The following APC variants were observed in gnomAD, a reference collection of about 807,000 sequenced individuals.
APC encodes the protein APC regulator of Wnt signaling pathway, also known as adenomatous polyposis coli protein.
Under a neutral mutation model 247.0 loss-of-function variants are expected in APC, and 72 were observed. That is an observed-to-expected ratio of 0.29 (90% CI 0.24 to 0.35). APC has a LOEUF of 0.35. APC is among the 10% of genes least tolerant of loss of function. The pLI, the probability that APC is intolerant of heterozygous loss-of-function variation, is 1.00. For missense variants in APC, 3,400 were observed against 3,360.7 expected, an observed-to-expected ratio of 1.01 and a Z score of -0.29; for synonymous variants, 1,254 against 1,162.5, an observed-to-expected ratio of 1.08 and a Z score of -1.60.
chr5:112,731,836 A>G (rs1752115152), intron 1 of APC, among the ~76,000 whole-genome samples: 1 of 152,146 alleles, frequency 6.6e-6, no homozygotes, highest in African/African-American at 2.4e-5. Context: ...ATCTCTGTTC[A>G]CTGCAGCCTC....
intron 2 of APC, among the ~76,000 whole-genome samples, chr5:112,759,724 A>T (rs1362022933): frequency 6.6e-6 from 1 of 152,258 alleles, no homozygotes; most frequent in Non-Finnish European, 1.5e-5. Flanking sequence ...TATATAGTGT[A>T]ATTAATCTTT....
intron 1 of APC, among the ~76,000 whole-genome samples, chr5:112,747,477 C>T (rs1471456352): frequency 6.6e-6 from 1 of 152,086 alleles, no homozygotes. Flanking sequence ...ATATGAAACA[C>T]AATAAAGTTA....
intron 5 of APC, 75 bp from the exon 6 acceptor site, chr5:112,780,715 C>G (rs1409900525): frequency 6.8e-6 from 7 of 1,030,374 alleles, no homozygotes; most frequent in Non-Finnish European, 8.9e-6. Context: ...TTTATTGGTT[C>G]TTATATGCTT....
intron 1 of APC, among the ~76,000 whole-genome samples, chr5:112,727,992 G>A (rs1026150565): frequency 3.3e-5 from 5 of 151,724 alleles, no homozygotes; most frequent in African/African-American, 9.7e-5. Flanking sequence ...GGAAAGGATA[G>A]TTTAAAATGA....
chr5:112,817,567 C>G (rs527643935), intron 9 of APC, among the ~76,000 whole-genome samples: 3 of 152,244 alleles, frequency 2.0e-5, no homozygotes, highest in South Asian at 4.1e-4. Flanking sequence ...ATCTGTCTAA[C>G]CTCAACATGT....
chr5:112,718,611 A>G (rs1751309899), intron 1 of APC, among the ~76,000 whole-genome samples: 2 of 152,360 alleles, frequency 1.3e-5, no homozygotes, highest in Admixed American at 6.5e-5. Flanking sequence ...CAAACTCACA[A>G]AAGGCAAAAG....
intron 5 of APC, chr5:112,777,736 G>C (rs1757816164): frequency 4.2e-6 from 1 of 236,696 alleles, no homozygotes. Context: ...TCTTTTGCCA[G>C]CAGCAACTCT....
Position 112,843,027 on chromosome 5 carries a change from A to C in APC, c.7433A>C (p.Gln2478Pro), listed in dbSNP as rs745307814. The change falls in exon 16 of 16, where the codon CAG becomes CCG. Residue 2478 changes from glutamine (Q) to proline (P), a missense_variant. Gln to Pro is a moderately conservative substitution (Grantham distance 76). Coordinates refer to ENST00000257430, the MANE Select transcript of APC (RefSeq NM_000038.6). This position sits in a 1 kb window ranked among gnomAD's most constrained non-coding sequence, Gnocchi z 4.8. The part of the protein sequence containing the change: ...SSRPASPTRS[Q>P]AQTPVLSPSL... ...AGACCAGCTTCTCCCACTAGGTCCCAGGCACAAACTCCAGTTTTAAGTCCT... is the reference window on the plus strand; with the variant it reads ...AGACCAGCTTCTCCCACTAGGTCCCCGGCACAAACTCCAGTTTTAAGTCCT... 1 of 1,613,934 alleles carries C rather than the reference A, an allele frequency of 6.2e-7. No individual in the cohort carries two copies. Among genetic ancestry groups the C allele is most frequent in the East Asian group, 2.2e-5 (1 of 44,890 alleles).
intron 6 of APC, among the ~76,000 whole-genome samples, chr5:112,787,088 A>G (rs572543593): frequency 5.9e-4 from 89 of 152,034 alleles, no homozygotes; most frequent in African/African-American, 2.0e-3. Context: ...GGGTTTCACT[A>G]TGTTGCCCAG....
At chr5:112,791,010 T>C (rs1759524384) in intron 6 of APC, among the ~76,000 whole-genome samples, 1 of 152,188 alleles carries the variant, frequency 6.6e-6, no homozygotes, top group African/African-American at 2.4e-5. Context: ...TGGTACAACA[T>C]TGTCAGTACT....
intron 8 of APC, among the ~76,000 whole-genome samples, chr5:112,807,136 GA>G (rs763967488): frequency 0.026 from 3,087 of 117,222 alleles, 35 homozygotes; most frequent in African/African-American, 0.038. Flanking sequence ...CTATCTCAAG[GA>G]AAAAAAAAAA....
At chr5:112,821,323 T>A (rs1482948178) in intron 10 of APC, among the ~76,000 whole-genome samples, 1 of 151,888 alleles carries the variant, frequency 6.6e-6, no homozygotes, top group Admixed American at 6.6e-5. Flanking sequence ...CTGGGCAACA[T>A]AGCAAGACCC....
intron 2 of APC, among the ~76,000 whole-genome samples, chr5:112,757,741 C>T (rs912110247): frequency 2.0e-5 from 3 of 151,916 alleles, no homozygotes; most frequent in Admixed American, 6.6e-5. Flanking sequence ...CTCCTCCAAC[C>T]GGATTACTTA....
At chr5:112,818,620 G>A (rs940775606) in intron 9 of APC, among the ~76,000 whole-genome samples, 29 of 152,066 alleles carry the variant, frequency 1.9e-4, no homozygotes, top group Admixed American at 5.2e-4. Flanking sequence ...TGTGAAATCC[G>A]TTGTTTTTCA....
At position 112,761,253 on chromosome 5, in the gene APC, T is replaced by C. The variant is rs557028004; in HGVS notation, c.136-5073T>C. Among the ~76,000 whole-genome samples the C allele has an allele frequency of 9.4e-4, 143 of 152,332 alleles. 1 individual carries two copies. The highest frequency in any genetic ancestry group is 1.5e-3 in the Non-Finnish European group (104 of 68,034). Reference sequence around the variant, plus strand: ...ACACAGTTGGCATACAGTCAAACGTTATATGAAATGCAGAGAAACTGGAAG... The same window carrying C: ...ACACAGTTGGCATACAGTCAAACGTCATATGAAATGCAGAGAAACTGGAAG... On this transcript the variant is annotated intron_variant, in intron 2 of 15. Coordinates refer to ENST00000257430, the MANE Select transcript of APC (RefSeq NM_000038.6).
rs904213754 is a variant in APC at position 112,840,085 on chromosome 5, A to G, written c.4491A>G (p.Pro1497=). ...TLLHFATEST[P]DGFSCSSSLS... ...TACATTTTGCCACGGAAAGTACTCCAGATGGATTTTCTTGTTCATCCAGCC... is the reference window on the plus strand; with the variant it reads ...TACATTTTGCCACGGAAAGTACTCCGGATGGATTTTCTTGTTCATCCAGCC... The change falls in exon 16 of 16, where the codon CCA becomes CCG. Residue 1497 remains proline (P), a synonymous_variant. Coordinates refer to ENST00000257430, the MANE Select transcript of APC (RefSeq NM_000038.6). This position sits in a 1 kb window ranked among gnomAD's most constrained non-coding sequence, Gnocchi z 4.1. The G allele has an allele frequency of 1.9e-6, 3 of 1,614,210 alleles. No homozygotes were observed. The highest frequency in any genetic ancestry group is 2.2e-5 in the South Asian group (2 of 91,090).
Position 112,842,900 on chromosome 5 carries a change from G to T in APC, c.7306G>T (p.Val2436Leu), listed in dbSNP as rs1029102261. ...GSESDRSERP[V>L]LVRQSTFIKE... Reference sequence around the variant, plus strand: ...TGAATCTGATAGATCAGAAAGACCTGTATTAGTACGCCAGTCAACTTTCAT... The same window carrying T: ...TGAATCTGATAGATCAGAAAGACCTTTATTAGTACGCCAGTCAACTTTCAT... The change falls in exon 16 of 16, where the codon GTA becomes TTA. Residue 2436 changes from valine (V) to leucine (L), a missense_variant. Transcript: ENST00000257430. 3 of 1,614,052 alleles carry T rather than the reference G, an allele frequency of 1.9e-6. No homozygotes were observed. Among genetic ancestry groups the T allele is most frequent in the Admixed American group, 1.7e-5 (1 of 60,012 alleles).
intron 1 of APC, among the ~76,000 whole-genome samples, chr5:112,748,518 G>C (rs988881828): frequency 6.6e-6 from 1 of 152,176 alleles, no homozygotes; most frequent in African/African-American, 2.4e-5. Flanking sequence ...AGTGTGGATA[G>C]TAGACATCTT....
At chr5:112,808,807 A>G (rs937639490) in intron 8 of APC, among the ~76,000 whole-genome samples, 5 of 152,130 alleles carry the variant, frequency 3.3e-5, no homozygotes, top group African/African-American at 9.7e-5. Flanking sequence ...TGTATGTCCT[A>G]TAAATTGGTA....
Sources: allele counts gnomAD v4.1 joint callset (sites outside exome capture counted in the v4.1 genomes callset), GRCh38; gene constraint gnomAD v4.1.1; non-coding constraint Gnocchi (gnomAD v3.1); transcripts MANE v1.5; gene names NCBI Gene and HGNC (gene_info 2026-07-23, HGNC 2026-07-21).